Variants in APP observed in about 807,000 individuals in gnomAD.
The protein encoded by APP is amyloid beta precursor protein.
A neutral mutation model predicts 101.4 loss-of-function variants in APP; 31 were observed. That is an observed-to-expected ratio of 0.31 (90% CI 0.23 to 0.41). The LOEUF is 0.41. APP is among the 10% of genes least tolerant of loss of function. The pLI is 1.00. For missense variants in APP, 839 were observed against 1,003.7 expected (o/e 0.84, Z 2.22); for synonymous variants, 366 against 364.4 (o/e 1.00, Z -0.05).
chr21:26,087,306 G>T (rs9982134), intron 3 of APP, among the ~76,000 whole-genome samples: 41,026 of 152,096 alleles, frequency 0.27, 6,820 homozygotes, highest in South Asian at 0.37. Flanking sequence ...AGGTCCAATG[G>T]AAAAGGACCA....
chr21:26,053,446 A>G, intron 3 of APP, 98 bp from the exon 4 acceptor site: 5 of 917,578 alleles, frequency 5.4e-6, no homozygotes, highest in Middle Eastern at 2.2e-4. Context: ...GACAAGTTAA[A>G]CAGCCTTTTA....
intron 6 of APP, among the ~76,000 whole-genome samples, chr21:26,005,928 T>TGG (rs1282237082): frequency 6.6e-6 from 1 of 152,172 alleles, no homozygotes; most frequent in Non-Finnish European, 1.5e-5. Context: ...TCAAAATGTA[T>TGG]ACTATATGTA....
At chr21:26,112,507 G>C (rs190429250) in intron 1 of APP, among the ~76,000 whole-genome samples, 1 of 152,142 alleles carries the variant, frequency 6.6e-6, no homozygotes, top group East Asian at 1.9e-4. Flanking sequence ...GGAGGCTACC[G>C]CATTCTTATA....
chr21:25,906,835 C>T (rs896308144), intron 14 of APP, among the ~76,000 whole-genome samples: 4 of 152,186 alleles, frequency 2.6e-5, no homozygotes, highest in South Asian at 2.1e-4. Flanking sequence ...CGAGGGCAAA[C>T]GCGTACCTTG....
intron 5 of APP, among the ~76,000 whole-genome samples, chr21:26,029,793 A>C (rs1398294383): frequency 6.6e-6 from 1 of 152,220 alleles, no homozygotes; most frequent in East Asian, 1.9e-4. Flanking sequence ...TATAAAAAGA[A>C]AAGAAAGGGG....
chr21:25,906,566 T>C (rs1231390791), intron 14 of APP, among the ~76,000 whole-genome samples: 1 of 152,258 alleles, frequency 6.6e-6, no homozygotes, highest in African/African-American at 2.4e-5. Context: ...AGAGTGACTA[T>C]TCTCTAGTAT....
intron 11 of APP, among the ~76,000 whole-genome samples, chr21:25,966,451 T>C (rs577489566): frequency 2.0e-5 from 3 of 152,320 alleles, no homozygotes; most frequent in Admixed American, 1.3e-4. Context: ...TGAAAGATGA[T>C]CTTTTTGGCC....
intron 8 of APP, among the ~76,000 whole-genome samples, chr21:25,987,687 C>A (rs1054623987): frequency 2.0e-5 from 3 of 152,196 alleles, no homozygotes; most frequent in African/African-American, 7.2e-5. Flanking sequence ...TCTACATAAG[C>A]CACATCCTTA....
At chr21:25,919,886 G>A in intron 13 of APP, among the ~76,000 whole-genome samples, 1 of 94,864 alleles carries the variant, frequency 1.1e-5, no homozygotes, top group African/African-American at 5.0e-5. Context: ...ACGCCACAAA[G>A]ATACTCCTCG....
Position 26,053,366 on chromosome 21 carries a change from C to T in APP, c.356-18G>A, listed in dbSNP as rs1195010150. The T allele has an allele frequency of 6.7e-7, 1 of 1,488,526 alleles. No individual in the cohort carries two copies. The highest frequency in any genetic ancestry group is 1.4e-5 in the African/African-American group (1 of 72,316). The allele number at this position is 1,488,526 out of a possible 1,614,324, so 92.2% of individuals were successfully genotyped here. On this transcript the variant is annotated intron_variant, in intron 3 of 17. Transcript: ENST00000346798. ...CTCACCAACTGAAAGAAAGGAAAAC[C>T]ACTTCCCGTCATTCCATCTGTATCA... is the stretch of plus-strand genomic sequence containing the variant.
chr21:26,106,736 C>T (rs1210658264), intron 2 of APP, among the ~76,000 whole-genome samples: 1 of 152,192 alleles, frequency 6.6e-6, no homozygotes, highest in African/African-American at 2.4e-5. Flanking sequence ...GCCCAAATTC[C>T]TTCCATTTAA....
chr21:25,920,230 C>T (rs982184158), intron 13 of APP, among the ~76,000 whole-genome samples: 10 of 152,040 alleles, frequency 6.6e-5, no homozygotes, highest in Non-Finnish European at 1.5e-5. Context: ...GAAGGAAGCA[C>T]TAAACATGCA....
rs1402616512 is a variant in APP, at chr21:25,881,354, G to C, written c.*316C>G. The C allele has an allele frequency of 2.4e-6, 1 of 415,312 alleles. No homozygotes were observed. Among genetic ancestry groups the C allele is most frequent in the Non-Finnish European group, 4.5e-6 (1 of 221,770 alleles). 25.7% of individuals were successfully genotyped at this position (415,312 alleles called of 1,614,324 possible). On this transcript the variant is annotated 3_prime_UTR_variant, in exon 18 of 18. Transcript: ENST00000346798. ...ACAAGAATAATATACAACTGGCTAA[G>C]GGGCTATGTGATAAATAATCAGGAG...
chr21:25,975,164 T>A lies in APP; in HGVS notation c.1364A>T (p.Glu455Val), dbSNP rs779589968. The part of the protein sequence containing the change: ...EAANERQQLV[E>V]THMARVEAML... ...GGCTTCCACTCTGGCCATGTGTGTCTCCACCAGCTGCTGTCTCTCGTTGGC... is the reference window on the plus strand; with the variant it reads ...GGCTTCCACTCTGGCCATGTGTGTCACCACCAGCTGCTGTCTCTCGTTGGC... The change falls in exon 11 of 18, where the codon GAG becomes GTG. Residue 455 changes from glutamate to valine, a missense_variant. Coordinates refer to ENST00000346798, the MANE Select transcript of APP (RefSeq NM_000484.4). The A allele has an allele frequency of 6.2e-7, 1 of 1,613,958 alleles. No homozygotes were observed. Among genetic ancestry groups the A allele is most frequent in the East Asian group, 2.2e-5 (1 of 44,874 alleles).
intron 11 of APP, among the ~76,000 whole-genome samples, chr21:25,965,072 T>C (rs983405670): frequency 2.6e-5 from 4 of 152,184 alleles, no homozygotes; most frequent in Admixed American, 6.5e-5. Flanking sequence ...TCAGACAAAC[T>C]CTAGCACAGA....
intron 1 of APP, among the ~76,000 whole-genome samples, chr21:26,154,302 G>A (rs1569040387): frequency 1.3e-5 from 2 of 152,216 alleles, no homozygotes; most frequent in South Asian, 2.1e-4. Context: ...AATGTGTAAG[G>A]TAATGACAGG....
At chr21:25,895,937 A>C (rs1352996309) in intron 16 of APP, among the ~76,000 whole-genome samples, 1 of 152,146 alleles carries the variant, frequency 6.6e-6, no homozygotes, top group Non-Finnish European at 1.5e-5. Flanking sequence ...CAGTAGAGGG[A>C]GCTGATTCTC....
At chr21:26,137,530 G>A (rs963011433) in intron 1 of APP, among the ~76,000 whole-genome samples, 4 of 152,012 alleles carry the variant, frequency 2.6e-5, no homozygotes, top group Non-Finnish European at 4.4e-5. Flanking sequence ...TCAACGAGAC[G>A]GAGGTTTGCT....
chr21:25,994,290 A>G (rs188431186), intron 8 of APP, among the ~76,000 whole-genome samples: 38 of 152,306 alleles, frequency 2.5e-4, no homozygotes, highest in Admixed American at 2.5e-3. Context: ...GTCAGAAATT[A>G]ACTCAGCTCT....
Sources: allele counts gnomAD v4.1 joint callset (sites outside exome capture counted in the v4.1 genomes callset), GRCh38; gene constraint gnomAD v4.1.1; transcripts MANE v1.5; gene names NCBI Gene and HGNC (gene_info 2026-07-23, HGNC 2026-07-21).